The following SHISA9 variants were observed in gnomAD, a reference collection of about 807,000 sequenced individuals.
SHISA9 encodes shisa family member 9.
A neutral mutation model predicts 38.0 loss-of-function variants in SHISA9; 13 were observed. That is an observed-to-expected ratio of 0.34 (90% CI 0.22 to 0.54). The LOEUF is 0.54. Ranked by LOEUF, SHISA9 falls within the 20% of genes least tolerant of loss-of-function variation. SHISA9 has a pLI of 0.91. For missense variants in SHISA9, 538 were observed against 575.8 expected, an observed-to-expected ratio of 0.93 and a Z score of 0.67; for synonymous variants, 275 against 242.0, an observed-to-expected ratio of 1.14 and a Z score of -1.27.
chr16:13,366,967 G>A, the SHISA9 span, among the ~76,000 whole-genome samples: 1 of 141,224 alleles, frequency 7.1e-6, no homozygotes, highest in Admixed American at 7.2e-5. Flanking sequence ...TGGGCAACAG[G>A]GTGAGGCTCC....
the SHISA9 span, among the ~76,000 whole-genome samples, chr16:13,360,041 T>G: frequency 6.6e-6 from 1 of 152,178 alleles, no homozygotes; most frequent in Non-Finnish European, 1.5e-5. Flanking sequence ...GGAACTTGAC[T>G]TGCTGGGCTA....
chr16:13,291,401 G>A, the SHISA9 span, among the ~76,000 whole-genome samples: 1 of 152,118 alleles, frequency 6.6e-6, no homozygotes, highest in Non-Finnish European at 1.5e-5. Flanking sequence ...AGTAATCTTT[G>A]CAAACCACAT....
the SHISA9 span, among the ~76,000 whole-genome samples, chr16:13,358,684 C>T: frequency 8.5e-5 from 13 of 152,310 alleles, no homozygotes; most frequent in African/African-American, 2.4e-4. Flanking sequence ...CAGTGAAAGG[C>T]CTCCAGATAG....
At chr16:13,032,707 T>A (rs1308101023) in intron 2 of SHISA9, among the ~76,000 whole-genome samples, 4 of 152,208 alleles carry the variant, frequency 2.6e-5, no homozygotes, top group African/African-American at 7.2e-5. Context: ...TTCTATTATA[T>A]CTTATGGAAT....
intron 3 of SHISA9, among the ~76,000 whole-genome samples, chr16:13,208,437 TTTTTTC>T (rs1205022362): frequency 1.1e-5 from 1 of 90,776 alleles, no homozygotes; most frequent in East Asian, 3.5e-4. Flanking sequence ...CTTTTTCTTT[TTTTTTC>T]TTTTTTTTTT....
chr16:13,498,209 C>CA, the SHISA9 span, among the ~76,000 whole-genome samples: 2 of 151,752 alleles, frequency 1.3e-5, no homozygotes, highest in African/African-American at 2.4e-5. Context: ...AAATTGATAC[C>CA]AAAAAAATCA....
intron 2 of SHISA9, among the ~76,000 whole-genome samples, chr16:13,191,552 C>T (rs1372228031): frequency 1.3e-5 from 2 of 152,160 alleles, no homozygotes; most frequent in African/African-American, 4.8e-5. Context: ...CATGAGGAAG[C>T]TGTTATGGTC....
the SHISA9 span, among the ~76,000 whole-genome samples, chr16:13,265,936 C>G: frequency 3.3e-5 from 5 of 152,100 alleles, no homozygotes; most frequent in Non-Finnish European, 7.3e-5. Context: ...TCAAATTCAT[C>G]TTTATCTGTA....
the SHISA9 span, among the ~76,000 whole-genome samples, chr16:13,288,146 A>G: frequency 4.6e-5 from 7 of 152,190 alleles, no homozygotes; most frequent in African/African-American, 1.7e-4. Flanking sequence ...CTAGGTTAAA[A>G]AAAGAAAAAC....
chr16:13,421,340 A>G, the SHISA9 span, among the ~76,000 whole-genome samples: 1 of 152,202 alleles, frequency 6.6e-6, no homozygotes, highest in East Asian at 1.9e-4. Context: ...TTGGACTTAC[A>G]TTTCCACATG....
chr16:13,063,268 A>G (rs1297234762), intron 2 of SHISA9, among the ~76,000 whole-genome samples: 1 of 152,020 alleles, frequency 6.6e-6, no homozygotes, highest in Non-Finnish European at 1.5e-5. Flanking sequence ...AGTCTCCCCA[A>G]ATGCTAGGAT....
At chr16:13,422,014 G>C in the SHISA9 span, among the ~76,000 whole-genome samples, 3 of 152,312 alleles carry the variant, frequency 2.0e-5, no homozygotes, top group South Asian at 6.2e-4. Flanking sequence ...TAAATGGTTG[G>C]TTTTGCAGAA....
chr16:13,549,435 C>T, the SHISA9 span, among the ~76,000 whole-genome samples: 2 of 151,868 alleles, frequency 1.3e-5, no homozygotes, highest in Non-Finnish European at 2.9e-5. Flanking sequence ...TAAATGTGTA[C>T]AATTATTATG....
chr16:13,493,212 A>G, the SHISA9 span, among the ~76,000 whole-genome samples: 1 of 141,142 alleles, frequency 7.1e-6, no homozygotes, highest in African/African-American at 2.5e-5. Flanking sequence ...TTCAGAAATG[A>G]CACTCATCAT....
chr16:13,332,607 T>C, the SHISA9 span: 5 of 152,100 alleles, frequency 3.3e-5, no homozygotes, highest in African/African-American at 1.2e-4. Flanking sequence ...GATCCTTCCA[T>C]CAGCACAGCA....
chr16:13,214,952 T>C (rs1057443134), intron 4 of SHISA9, among the ~76,000 whole-genome samples: 15 of 143,924 alleles, frequency 1.0e-4, no homozygotes, highest in South Asian at 8.6e-4. Context: ...GTTGTGGCCA[T>C]TTTTTTTTTG....
chr16:13,209,553 C>G (rs555375205), intron 3 of SHISA9, among the ~76,000 whole-genome samples: 1 of 152,316 alleles, frequency 6.6e-6, no homozygotes, highest in African/African-American at 2.4e-5. Context: ...TGTTTCAATA[C>G]AATCCATCAG....
At chr16:13,227,402 C>T (rs2051289914) in intron 4 of SHISA9, among the ~76,000 whole-genome samples, 2 of 152,142 alleles carry the variant, frequency 1.3e-5, no homozygotes, top group African/African-American at 4.8e-5. Context: ...GACAGTTGTG[C>T]TGCAAGAGAA....
chr16:13,012,637 G>C lies in SHISA9; in HGVS notation c.691+95822G>C, dbSNP rs375568026. Among the ~76,000 whole-genome samples, 18 of 152,334 alleles carry C rather than the reference G, an allele frequency of 1.2e-4. No homozygotes were observed. The South Asian group carries it at 3.7e-3, about 32-fold the overall frequency. On this transcript the variant is annotated intron_variant, in intron 2 of 4. Transcript: ENST00000558583. ...AGGGAAATGCTTGCTAAGTGTTTTAGATGAAACAATCAGGTCACAGAGAAG... is the reference window on the plus strand; with the variant it reads ...AGGGAAATGCTTGCTAAGTGTTTTACATGAAACAATCAGGTCACAGAGAAG...
Sources: gnomAD v4.1 joint callset for allele counts (sites outside exome capture counted in the v4.1 genomes callset) on GRCh38, gnomAD v4.1.1 for gene constraint, MANE v1.5 for transcripts, NCBI Gene and HGNC (gene_info 2026-07-23, HGNC 2026-07-21) for gene names.